Variants in POU2F1 observed in about 807,000 individuals in gnomAD.
The protein encoded by POU2F1 is POU domain, class 2, transcription factor 1.
A neutral mutation model predicts 84.9 loss-of-function variants in POU2F1; 16 were observed. The ratio of observed to expected loss-of-function variants is 0.19; its 90% confidence interval spans 0.13 to 0.29. The LOEUF (loss-of-function observed/expected upper bound fraction) is 0.29, where lower values mean the gene tolerates loss of function less well. POU2F1 is among the 10% of genes least tolerant of loss of function. POU2F1 has a pLI of 1.00. For synonymous variants in POU2F1, 368 were observed against 368.3 expected, an observed-to-expected ratio of 1.00 and a Z score of 0.01; for missense variants, 738 against 942.6, an observed-to-expected ratio of 0.78 and a Z score of 2.84.
chr1:167,376,420 T>A (rs1660336693), intron 7 of POU2F1: 1 of 320,716 alleles, frequency 3.1e-6, no homozygotes, highest in Non-Finnish European at 5.6e-6. Context: ...CTAAGTGAAA[T>A]TATTCAACAT....
intron 1 of POU2F1, among the ~76,000 whole-genome samples, chr1:167,280,917 C>T (rs2102498768): frequency 6.6e-6 from 1 of 152,288 alleles, no homozygotes; most frequent in African/African-American, 2.4e-5. Context: ...GGAGTCACAT[C>T]TATTAAGTGC....
chr1:167,348,887 C>T (rs938401248), intron 2 of POU2F1, among the ~76,000 whole-genome samples: 7 of 152,134 alleles, frequency 4.6e-5, no homozygotes, highest in African/African-American at 1.4e-4. Context: ...AGGACAGTGA[C>T]AGTACCTTAT....
intron 15 of POU2F1, 96 bp from the exon 16 acceptor site, chr1:167,415,404 G>C (rs1213721253): frequency 7.3e-7 from 1 of 1,363,820 alleles, no homozygotes; most frequent in Non-Finnish European, 1.0e-6. Context: ...CTGGTGGGTT[G>C]TAGGAAAATG....
chr1:167,221,082 G>A lies in POU2F1; in HGVS notation c.61+124G>A. 3.2e-6 allele frequency: 3 copies of A among 946,266 alleles called. No individual in the cohort carries two copies. The Admixed American group carries it at 6.4e-5, about 20-fold the overall frequency. The allele number at this position is 946,266 out of a possible 1,614,324, so 58.6% of individuals were successfully genotyped here. ...ATTATAATTAACGGCGGGGAGATGG[G>A]GGGCCGGGGAGCATTGAGCCCCCGC... On this transcript the variant is annotated intron_variant, in intron 1 of 15. Transcript: ENST00000367866.
At chr1:167,273,675 A>G (rs948055759) in intron 1 of POU2F1, among the ~76,000 whole-genome samples, 2 of 152,214 alleles carry the variant, frequency 1.3e-5, no homozygotes, top group African/African-American at 4.8e-5. Flanking sequence ...TGCCTTGCCT[A>G]TTATGTCTGG....
chr1:167,249,616 G>A (rs1164421195), intron 1 of POU2F1, among the ~76,000 whole-genome samples: 2 of 152,180 alleles, frequency 1.3e-5, no homozygotes, highest in Non-Finnish European at 2.9e-5. Context: ...AGACGGGAGT[G>A]AATTGATGGT....
At chr1:167,288,307 G>T (rs1653677243) in intron 1 of POU2F1, among the ~76,000 whole-genome samples, 2 of 152,148 alleles carry the variant, frequency 1.3e-5, no homozygotes, top group Non-Finnish European at 2.9e-5. Flanking sequence ...ATTCCATTGT[G>T]ACAGACAGTG....
intron 1 of POU2F1, among the ~76,000 whole-genome samples, chr1:167,291,449 C>A (rs541833680): frequency 6.6e-6 from 1 of 152,240 alleles, no homozygotes; most frequent in East Asian, 1.9e-4. Flanking sequence ...GTTTGCACAG[C>A]TGATTATTTG....
At chr1:167,245,388 T>C (rs1256868872) in intron 1 of POU2F1, among the ~76,000 whole-genome samples, 1 of 150,642 alleles carries the variant, frequency 6.6e-6, no homozygotes, top group East Asian at 1.9e-4. Context: ...GGACCACAGG[T>C]GCACCACCAC....
At chr1:167,269,896 A>C (rs1652240451) in intron 1 of POU2F1, among the ~76,000 whole-genome samples, 1 of 142,802 alleles carries the variant, frequency 7.0e-6, no homozygotes, top group Non-Finnish European at 1.5e-5. Context: ...CCTGGACAAC[A>C]GTGTGAGTCT....
chr1:167,408,380 A>G (rs1649731219), intron 13 of POU2F1, among the ~76,000 whole-genome samples: 1 of 152,230 alleles, frequency 6.6e-6, no homozygotes, highest in Non-Finnish European at 1.5e-5. Context: ...AGAAATGAAG[A>G]CATTTCTACA....
intron 2 of POU2F1, among the ~76,000 whole-genome samples, chr1:167,364,091 C>T (rs570324559): frequency 5.9e-5 from 9 of 152,274 alleles, no homozygotes; most frequent in African/African-American, 1.9e-4. Flanking sequence ...ATATTTTATT[C>T]AGTACATAAT....
chr1:167,343,485 T>TA (rs1202325533), intron 2 of POU2F1, among the ~76,000 whole-genome samples: 1 of 152,114 alleles, frequency 6.6e-6, no homozygotes, highest in East Asian at 1.9e-4. Context: ...TAACAGATAT[T>TA]AAAGAATTTT....
chr1:167,355,640 CTG>C (rs1190421260), intron 2 of POU2F1, among the ~76,000 whole-genome samples: 5 of 152,270 alleles, frequency 3.3e-5, no homozygotes, highest in African/African-American at 4.8e-5. Flanking sequence ...GAGCTGGCAT[CTG>C]TCTATACAAC....
At chr1:167,245,004 C>A (rs1650205626) in intron 1 of POU2F1, among the ~76,000 whole-genome samples, 1 of 151,884 alleles carries the variant, frequency 6.6e-6, no homozygotes, top group Admixed American at 6.6e-5. Context: ...ATGACAGGAA[C>A]AGTAGTGAAT....
At chr1:167,263,921 G>A (rs1223407041) in intron 1 of POU2F1, among the ~76,000 whole-genome samples, 2 of 152,200 alleles carry the variant, frequency 1.3e-5, no homozygotes, top group Non-Finnish European at 2.9e-5. Flanking sequence ...GCAGAGCTGG[G>A]ATGAAAGCTC....
At position 167,383,967 on chromosome 1, in the gene POU2F1, T is replaced by TG. The variant is rs1387631831; in HGVS notation, c.813+21dup. 6.3e-7 allele frequency: 1 copy of TG among 1,588,354 alleles called. No homozygotes were observed. The highest frequency in any genetic ancestry group is 8.6e-7 in the Non-Finnish European group (1 of 1,161,052). ...CACCTCCCAGGTCAGTTTTCTTCTATGGGGGCTGCTTTCTCTTATCATATT... is the reference window on the plus strand; with the variant it reads ...CACCTCCCAGGTCAGTTTTCTTCTATGGGGGGCTGCTTTCTCTTATCATATT... On this transcript the variant is annotated intron_variant, in intron 8 of 15. Transcript: ENST00000367866.
chr1:167,351,881 A>G lies in POU2F1; in HGVS notation c.128-13586A>G, dbSNP rs373879600. Among the ~76,000 whole-genome samples the G allele has an allele frequency of 2.6e-5, 4 of 152,048 alleles. No individual in the cohort carries two copies. The East Asian group carries it at 7.7e-4, about 29-fold the overall frequency. ...GTAATGTTTCCTCTCTCATTTATAC[A>G]TTTTAAAATTAATGTTCATAGGATA... On this transcript the variant is annotated intron_variant, in intron 2 of 15. Transcript: ENST00000367866.
At position 167,426,579 on chromosome 1, in the gene POU2F1, T is replaced by C. The variant is rs1215111169; in HGVS notation, c.*10769T>C. ...TTTTTCTAAAGATGTTTTCTTTCTC[T>C]CTTTCAATATCTTAACTCACTTTTT... On this transcript the variant is annotated 3_prime_UTR_variant, in exon 16 of 16. Transcript: ENST00000367866. 2 of 152,258 alleles carry C rather than the reference T, an allele frequency of 1.3e-5. No individual in the cohort carries two copies. Among genetic ancestry groups the C allele is most frequent in the Non-Finnish European group, 2.9e-5 (2 of 68,048 alleles). 9.4% of individuals were successfully genotyped at this position (152,258 alleles called of 1,614,324 possible).
Sources: allele counts gnomAD v4.1 joint callset (sites outside exome capture counted in the v4.1 genomes callset), GRCh38; gene constraint gnomAD v4.1.1; transcripts MANE v1.5; gene names NCBI Gene and HGNC (gene_info 2026-07-23, HGNC 2026-07-21).